The following PKD1L1 variants were observed in gnomAD, a reference collection of about 807,000 sequenced individuals.
PKD1L1 encodes the protein polycystin-1-like protein 1.
In PKD1L1, 236 loss-of-function variants were observed where a neutral mutation model predicts 323.4. That is an observed-to-expected ratio of 0.73 (90% CI 0.66 to 0.81). The LOEUF is 0.81. Among genes scored for constraint, PKD1L1 ranks in the 40% least tolerant of loss-of-function variants. The pLI is 0.00. For missense variants in PKD1L1, 3,320 were observed against 3,508.0 expected (o/e 0.95, Z 1.35); for synonymous variants, 1,344 against 1,335.0 (o/e 1.01, Z -0.15).
chr7:47,948,006 G>C (rs1788136240), intron 1 of PKD1L1, among the ~76,000 whole-genome samples: 1 of 152,094 alleles, frequency 6.6e-6, no homozygotes, highest in African/African-American at 2.4e-5. Flanking sequence ...AAGACCCCAT[G>C]ATCTCTTCCT....
At position 47,831,286 on chromosome 7, in the gene PKD1L1, G is replaced by A; in HGVS notation, c.6404C>T (p.Ser2135Phe). Residue 2135 changes from serine to phenylalanine, a missense_variant, in exon 42 of 57, where the codon TCT becomes TTT. Coordinates refer to ENST00000289672, the MANE Select transcript of PKD1L1 (RefSeq NM_138295.5). ...GGTCCCACAAATGGCCCACACTGCA[G>A]AGCTCCACCAAGGCTGAAGGGCCCT... ...WSRALQPWWS[S>F]AVWAICGTAS... The A allele has an allele frequency of 6.2e-7, 1 of 1,614,186 alleles. No homozygotes were observed.
rs1419685563 is a variant in PKD1L1, at chr7:47,775,167, C to T, written c.8527-1G>A. The stretch of plus-strand genomic sequence containing the variant: ...CTCAGAAGTCCTTGATGTCTGCTGG[C>T]TAAAAAGAAAAAATGAAAAACATAC... On this transcript the variant is annotated splice_acceptor_variant, in intron 56 of 56. Transcript: ENST00000289672. LOFTEE classifies it high-confidence loss of function. The T allele has an allele frequency of 1.2e-6, 2 of 1,613,686 alleles. No individual in the cohort carries two copies. The highest frequency in any genetic ancestry group is 1.3e-5 in the African/African-American group (1 of 74,856).
At chr7:47,863,193 C>T (rs139047376) in intron 26 of PKD1L1, among the ~76,000 whole-genome samples, 108 of 152,154 alleles carry the variant, frequency 7.1e-4, no homozygotes, top group Non-Finnish European at 1.4e-3. Context: ...TCTGCATGGA[C>T]GGTGCTGCCC....
At chr7:47,948,664 G>GAAGTGT (rs1788151402), upstream of PKD1L1, among the ~76,000 whole-genome samples, 3 of 152,156 alleles carry the variant, frequency 2.0e-5, no homozygotes, top group South Asian at 6.2e-4. Context: ...TCCTTCCTAA[G>GAAGTGT]AAGTGTGCTT....
At chr7:47,797,471 G>T (rs1455986814) in intron 54 of PKD1L1, among the ~76,000 whole-genome samples, 2 of 152,166 alleles carry the variant, frequency 1.3e-5, no homozygotes, top group Non-Finnish European at 2.9e-5. Context: ...AGCCTGAAAG[G>T]GTAGGCCATT....
intron 1 of PKD1L1, among the ~76,000 whole-genome samples, chr7:47,944,565 C>G (rs1029686159): frequency 2.0e-5 from 3 of 152,236 alleles, no homozygotes; most frequent in Admixed American, 1.3e-4. Flanking sequence ...GTTCTCAGCA[C>G]ACCCAAAGCC....
rs772016395 is a variant in PKD1L1, at chr7:47,853,114, C to T, written c.4960+13G>A. On this transcript the variant is annotated intron_variant, in intron 31 of 56. Transcript: ENST00000289672. ...TAAACAGAAAGGGAAAATAAGGCGC[C>T]CTGTTCACTGACCTTTCTGAGAAGC... 6.4e-7 allele frequency: 1 copy of T among 1,572,342 alleles called. No homozygotes were observed. The highest frequency in any genetic ancestry group is 8.8e-7 in the Non-Finnish European group (1 of 1,142,302).
At chr7:47,803,436 A>G (rs1170318572) in intron 52 of PKD1L1, 92 bp from the exon 53 acceptor site, 6 of 1,436,936 alleles carry the variant, frequency 4.2e-6, no homozygotes, top group Non-Finnish European at 5.7e-6. Flanking sequence ...TAAAGAGTTC[A>G]TTGGATTTGA....
At chr7:47,841,464 G>A (rs1785562390) in intron 34 of PKD1L1, among the ~76,000 whole-genome samples, 1 of 152,124 alleles carries the variant, frequency 6.6e-6, no homozygotes, top group Non-Finnish European at 1.5e-5. Context: ...TAATTCTCTT[G>A]TATTCTTTTC....
chr7:47,902,602 A>C (rs1583661682), intron 12 of PKD1L1, 91 bp from the exon 13 acceptor site: 1 of 1,431,134 alleles, frequency 7.0e-7, no homozygotes, highest in Non-Finnish European at 9.5e-7. Flanking sequence ...TATCTGCAGA[A>C]TTATAGTATT....
At chr7:47,862,579 T>C (rs1004155148) in intron 26 of PKD1L1, among the ~76,000 whole-genome samples, 3 of 152,138 alleles carry the variant, frequency 2.0e-5, no homozygotes, top group Non-Finnish European at 4.4e-5. Flanking sequence ...ATAGTTGCTG[T>C]TGTGAAAATA....
intron 4 of PKD1L1, among the ~76,000 whole-genome samples, chr7:47,936,560 C>T (rs1787870517): frequency 6.6e-6 from 1 of 152,176 alleles, no homozygotes; most frequent in Admixed American, 6.5e-5. Flanking sequence ...AGAAGGCTCA[C>T]CATATTCCTT....
At chr7:47,779,677 A>G (rs143192800) in intron 56 of PKD1L1, among the ~76,000 whole-genome samples, 23 of 152,204 alleles carry the variant, frequency 1.5e-4, no homozygotes, top group African/African-American at 3.9e-4. Flanking sequence ...CTCCACCCCT[A>G]TTTGGGTTTT....
the PKD1L1 span, among the ~76,000 whole-genome samples, chr7:47,960,069 T>C: frequency 7.2e-5 from 11 of 152,026 alleles, no homozygotes; most frequent in South Asian, 2.1e-4. Flanking sequence ...AGTGACCCTA[T>C]CCCCAACCCT....
chr7:47,895,605 A>G (rs1786918894), intron 14 of PKD1L1, among the ~76,000 whole-genome samples: 1 of 152,212 alleles, frequency 6.6e-6, no homozygotes, highest in African/African-American at 2.4e-5. Context: ...GTTTTTGTGT[A>G]ATAAGTAAAC....
intron 24 of PKD1L1, among the ~76,000 whole-genome samples, chr7:47,873,631 C>T (rs1359462745): frequency 8.3e-6 from 1 of 119,880 alleles, no homozygotes; most frequent in Non-Finnish European, 1.6e-5. Flanking sequence ...GCCTGGGTGA[C>T]AGGCGGAGAC....
rs1351098170 is a variant in PKD1L1 at position 47,774,899 on chromosome 7, A to C, written c.*244T>G. 2 of 439,696 alleles carry C rather than the reference A, an allele frequency of 4.5e-6. No homozygotes were observed. The highest frequency in any genetic ancestry group is 8.1e-6 in the Non-Finnish European group (2 of 246,160). The allele number at this position is 439,696 out of a possible 1,614,324, so 27.2% of individuals were successfully genotyped here. On this transcript the variant is annotated 3_prime_UTR_variant, in exon 57 of 57. Coordinates refer to ENST00000289672, the MANE Select transcript of PKD1L1 (RefSeq NM_138295.5). ...AATTAACCATTTGGGAGAAGGCTGG[A>C]GTTAGAATCTTGTCCCACATCTGAA...
chr7:47,921,761 T>G (rs2128753714), intron 7 of PKD1L1, among the ~76,000 whole-genome samples: 1 of 152,176 alleles, frequency 6.6e-6, no homozygotes, highest in Non-Finnish European at 1.5e-5. Context: ...AGATTGGAGA[T>G]TATTATTCAA....
intron 32 of PKD1L1, 146 bp from the exon 33 acceptor site, chr7:47,845,224 C>T (rs766294679): frequency 2.5e-5 from 16 of 632,912 alleles, no homozygotes; most frequent in Non-Finnish European, 3.4e-5. Flanking sequence ...TTAAAAGATT[C>T]ACCTGACACC....
Sources: allele counts gnomAD v4.1 joint callset (sites outside exome capture counted in the v4.1 genomes callset), GRCh38; gene constraint gnomAD v4.1.1; transcripts MANE v1.5; gene names NCBI Gene and HGNC (gene_info 2026-07-23, HGNC 2026-07-21).